The following PCDHA13 variants were observed in gnomAD, a reference collection of about 807,000 sequenced individuals.
PCDHA13 encodes protocadherin alpha 13, also known as protocadherin alpha-13.
In PCDHA13, 54 loss-of-function variants were observed where a neutral mutation model predicts 64.8. That is an observed-to-expected ratio of 0.83 (90% confidence interval 0.67 to 1.04). The LOEUF (loss-of-function observed/expected upper bound fraction) is 1.04, where lower values mean the gene tolerates loss of function less well. Ranked by LOEUF, PCDHA13 falls within the 50% of genes least tolerant of loss-of-function variation. The probability of loss-of-function intolerance (pLI) is 0.00; values close to 1 mark genes in which losing one functional copy is unlikely to be tolerated. For missense variants in PCDHA13, 1,248 were observed against 1,254.3 expected (o/e 0.99, Z 0.08); for synonymous variants, 587 against 564.4 (o/e 1.04, Z -0.57).
chr5:140,981,489 G>A (rs1554242906), intron 2 of PCDHA13, among the ~76,000 whole-genome samples: 1 of 152,194 alleles, frequency 6.6e-6, no homozygotes, highest in Non-Finnish European at 1.5e-5. Flanking sequence ...CAGGAGAATT[G>A]CTTGAACCTG....
rs2098413689 is a variant in PCDHA13, at chr5:141,009,672, A to G, written c.2588A>G (p.Asn863Ser). Residue 863 changes from asparagine to serine, a missense_variant, in exon 4 of 4, where the codon AAC becomes AGC. Physicochemically the swap from Asn to Ser is conservative, Grantham distance 46. Transcript: ENST00000289272. The stretch of plus-strand genomic sequence containing the variant: ...TCCCCTCCAGTCGGTGCGGGTGTCA[A>G]CAGCAACAGCTGGACCTTTAAATAC... ...EVSPPVGAGV[N>S]SNSWTFKYGP... is the part of the protein sequence containing the mutation. 6.2e-7 allele frequency: 1 copy of G among 1,614,102 alleles called. No homozygotes were observed. The highest frequency in any genetic ancestry group is 1.1e-5 in the South Asian group (1 of 91,070).
At chr5:140,926,185 GCAGCACTT>G (rs1563077744) in intron 1 of PCDHA13, among the ~76,000 whole-genome samples, 1 of 151,672 alleles carries the variant, frequency 6.6e-6, no homozygotes, top group East Asian at 1.9e-4. Flanking sequence ...AAAGCCCCCC[GCAGCACTT>G]CTTTCGGGGG....
rs550730996 is a variant in PCDHA13, at chr5:140,982,280, G to T, written c.2454-195G>T. The T allele has an allele frequency of 2.1e-5, 21 of 1,007,278 alleles. No homozygotes were observed. The Admixed American group carries it at 5.3e-4, about 25-fold the overall frequency. 62.4% of individuals were successfully genotyped at this position (1,007,278 alleles called of 1,614,324 possible). A position where few individuals can be genotyped will look rare whatever the true frequency, so the allele number is the denominator to read the frequency against. ...GTGTGTTCCTGGAATAGTATAGCAGGCAATAAGTAAGTCAGCAATGCTTCT... is the reference window on the plus strand; with the variant it reads ...GTGTGTTCCTGGAATAGTATAGCAGTCAATAAGTAAGTCAGCAATGCTTCT... On this transcript the variant is annotated intron_variant, in intron 2 of 3. Transcript: ENST00000289272.
chr5:140,968,949 T>C, intron 1 of PCDHA13: 1 of 1,614,180 alleles, frequency 6.2e-7, no homozygotes, highest in Non-Finnish European at 8.5e-7. Flanking sequence ...ATTTTGAGCA[T>C]CATCAAGTGC....
chr5:140,956,044 T>G (rs1335890349), intron 1 of PCDHA13, among the ~76,000 whole-genome samples: 1 of 152,200 alleles, frequency 6.6e-6, no homozygotes, highest in African/African-American at 2.4e-5. Context: ...AAGAAGCTTT[T>G]GGGCTGAGAC....
At chr5:141,003,467 A>G (rs1262411574) in intron 3 of PCDHA13, among the ~76,000 whole-genome samples, 1 of 152,036 alleles carries the variant, frequency 6.6e-6, no homozygotes, top group Non-Finnish European at 1.5e-5. Context: ...GTGCACCACC[A>G]CAGTCTCGCT....
At chr5:140,927,889 G>T (rs1554205185) in intron 1 of PCDHA13, 1 of 1,614,226 alleles carries the variant, frequency 6.2e-7, no homozygotes, top group Non-Finnish European at 8.5e-7. Context: ...GGTGACTGAC[G>T]TGAACGATCA....
At chr5:140,924,891 T>C (rs549129193) in intron 1 of PCDHA13, among the ~76,000 whole-genome samples, 1 of 88,410 alleles carries the variant, frequency 1.1e-5, no homozygotes, top group African/African-American at 5.1e-5. Context: ...CAAGAACCTG[T>C]CTCAAAAAAA....
intron 1 of PCDHA13, among the ~76,000 whole-genome samples, chr5:140,963,504 G>T (rs1044640224): frequency 4.6e-5 from 7 of 152,222 alleles, no homozygotes; most frequent in Admixed American, 1.3e-4. Flanking sequence ...CAAATCTCTT[G>T]AAGGGGTTCT....
At chr5:140,931,935 G>A (rs1456832226) in intron 1 of PCDHA13, among the ~76,000 whole-genome samples, 2 of 151,826 alleles carry the variant, frequency 1.3e-5, no homozygotes, top group East Asian at 1.9e-4. Context: ...ATTATAATGT[G>A]TGTCTGAGTC....
chr5:140,883,804 G>T lies in PCDHA13; in HGVS notation c.1536G>T (p.Ala512=), dbSNP rs373228578. 1 of 1,612,420 alleles carries T rather than the reference G, an allele frequency of 6.2e-7. No homozygotes were observed. Among genetic ancestry groups the T allele is most frequent in the African/African-American group, 1.3e-5 (1 of 74,890 alleles). The part of the protein sequence containing the change: ...RALSSYVSVH[A]ESGKVYALQP... ...TGTCGAGCTACGTGTCGGTGCACGC[G>T]GAGAGCGGCAAGGTGTACGCGCTGC... is the stretch of plus-strand genomic sequence containing the variant. Residue 512 remains alanine (A), a synonymous_variant, in exon 1 of 4, where the codon GCG becomes GCT. Coordinates refer to ENST00000289272, the MANE Select transcript of PCDHA13 (RefSeq NM_018904.3).
chr5:140,921,693 C>A (rs115825687), intron 1 of PCDHA13, among the ~76,000 whole-genome samples: 103 of 152,244 alleles, frequency 6.8e-4, no homozygotes, highest in African/African-American at 2.4e-3. Flanking sequence ...CTGGCCACCT[C>A]AATTTTAAAC....
intron 1 of PCDHA13, among the ~76,000 whole-genome samples, chr5:140,919,699 C>T (rs946203919): frequency 3.3e-5 from 5 of 152,084 alleles, no homozygotes; most frequent in African/African-American, 1.2e-4. Context: ...TTTATATTAA[C>T]TTAATTCTAG....
intron 3 of PCDHA13, among the ~76,000 whole-genome samples, chr5:140,984,330 A>C (rs2097097334): frequency 6.6e-6 from 1 of 152,204 alleles, no homozygotes; most frequent in Admixed American, 6.5e-5. Context: ...CAAATGTGGA[A>C]TAGGAACCAT....
intron 2 of PCDHA13, 37 bp from the exon 3 acceptor site, chr5:140,982,438 T>G: frequency 3.8e-5 from 61 of 1,608,838 alleles, no homozygotes; most frequent in Non-Finnish European, 4.8e-5. Context: ...AAAGAATTTA[T>G]GATCTAACCG....
At chr5:140,951,545 G>T (rs1019007635) in intron 1 of PCDHA13, among the ~76,000 whole-genome samples, 2 of 151,950 alleles carry the variant, frequency 1.3e-5, no homozygotes, top group African/African-American at 4.8e-5. Flanking sequence ...GCAAGGGACG[G>T]GGGGAAGTGC....
chr5:141,009,833 G>A lies in PCDHA13; in HGVS notation c.2749G>A (p.Gly917Ser), dbSNP rs782642898. The A allele has an allele frequency of 8.7e-6, 14 of 1,613,366 alleles. No homozygotes were observed. The highest frequency in any genetic ancestry group is 2.7e-5 in the African/African-American group (2 of 74,746). ...TGACAAAAGTGACTTCATAACCTTC[G>A]GCAAAAAGGAGGAGACCAAGAAAAA... ...QIDKSDFITF[G>S]KKEETKKKKK... Residue 917 changes from glycine (G) to serine (S), a missense_variant, in exon 4 of 4, where the codon GGC (glycine) becomes AGC (serine). Physicochemically the swap from Gly to Ser is moderately conservative, Grantham distance 56 (BLOSUM62 0). Coordinates refer to ENST00000289272, the MANE Select transcript of PCDHA13 (RefSeq NM_018904.3).
At chr5:140,917,863 G>A (rs182359679) in intron 1 of PCDHA13, among the ~76,000 whole-genome samples, 1 of 151,750 alleles carries the variant, frequency 6.6e-6, no homozygotes, top group East Asian at 1.9e-4. Context: ...GGATTGCTTT[G>A]ACTATTTGGG....
chr5:141,011,894 TATC>T lies in PCDHA13; in HGVS notation c.*1958_*1960del, dbSNP rs1554263691. 6.5e-6 allele frequency: 1 copy of T among 153,306 alleles called. No individual in the cohort carries two copies. The highest frequency in any genetic ancestry group is 2.4e-5 in the African/African-American group (1 of 41,080). 9.5% of individuals were successfully genotyped at this position (153,306 alleles called of 1,614,324 possible). On this transcript the variant is annotated 3_prime_UTR_variant, in exon 4 of 4. Transcript: ENST00000289272. Reference sequence around the variant, plus strand: ...AATTTAGAAGTTTGATTAATTATATTATCTATTTAGGCATTAATATAAAAGAGG... The same window carrying T: ...AATTTAGAAGTTTGATTAATTATATTTATTTAGGCATTAATATAAAAGAGG...
Sources: allele counts gnomAD v4.1 joint callset (sites outside exome capture counted in the v4.1 genomes callset), GRCh38; gene constraint gnomAD v4.1.1; transcripts MANE v1.5; gene names NCBI Gene and HGNC (gene_info 2026-07-23, HGNC 2026-07-21).